ASTN2: variants seen among roughly 807,000 people sequenced by gnomAD.
ASTN2 encodes astrotactin-2.
ASTN2 carries 54 observed loss-of-function variants against 139.8 expected under a neutral mutation model. That is an observed-to-expected ratio of 0.39 (90% confidence interval 0.31 to 0.48). The LOEUF (loss-of-function observed/expected upper bound fraction) is 0.48. Among genes scored for constraint, ASTN2 ranks in the 20% least tolerant of loss-of-function variants. The pLI is 0.95. For synonymous variants in ASTN2, 756 were observed against 719.5 expected, an observed-to-expected ratio of 1.05 and a Z score of -0.81; for missense variants, 1,565 against 1,725.1, an observed-to-expected ratio of 0.91 and a Z score of 1.64.
chr9:116,998,741 T>C (rs773031657), intron 7 of ASTN2, among the ~76,000 whole-genome samples: 10 of 152,146 alleles, frequency 6.6e-5, no homozygotes, highest in Non-Finnish European at 1.3e-4. Context: ...GAAAGTTGGT[T>C]CTCTATAAAC....
chr9:117,353,797 TCTG>T (rs1312110199), intron 1 of ASTN2, among the ~76,000 whole-genome samples: 21 of 152,114 alleles, frequency 1.4e-4, no homozygotes, highest in African/African-American at 4.8e-4. Context: ...AAGAAGCCAA[TCTG>T]AAAAGGCCAC....
At chr9:116,714,216 T>A (rs1828248760) in intron 16 of ASTN2, among the ~76,000 whole-genome samples, 1 of 152,180 alleles carries the variant, frequency 6.6e-6, no homozygotes, top group African/African-American at 2.4e-5. Flanking sequence ...GGCTGTGCTA[T>A]CTGACATTCT....
At chr9:117,180,097 C>G (rs1831020007) in intron 3 of ASTN2, among the ~76,000 whole-genome samples, 1 of 152,208 alleles carries the variant, frequency 6.6e-6, no homozygotes, top group South Asian at 2.1e-4. Flanking sequence ...CTCTGCATCT[C>G]TCTTTTGATT....
intron 1 of ASTN2, among the ~76,000 whole-genome samples, chr9:117,305,269 T>A (rs1834971360): frequency 6.6e-6 from 1 of 152,144 alleles, no homozygotes; most frequent in South Asian, 2.1e-4. Context: ...CTTCCCTAGG[T>A]CATTGGAGGC....
At chr9:116,951,337 CAAAA>C (rs386416039) in intron 10 of ASTN2, among the ~76,000 whole-genome samples, 2 of 34,070 alleles carry the variant, frequency 5.9e-5, no homozygotes, top group South Asian at 2.4e-3. Flanking sequence ...AACTCTGTCT[CAAAA>C]AAAAAAAAAA....
chr9:116,723,697 T>C (rs1828537116), intron 16 of ASTN2, among the ~76,000 whole-genome samples: 2 of 152,130 alleles, frequency 1.3e-5, no homozygotes, highest in Non-Finnish European at 2.9e-5. Flanking sequence ...CTCCCAAATA[T>C]AAAAAATAAA....
intron 1 of ASTN2, among the ~76,000 whole-genome samples, chr9:117,294,994 C>A (rs1448357321): frequency 6.6e-6 from 1 of 152,146 alleles, no homozygotes; most frequent in Non-Finnish European, 1.5e-5. Context: ...TTATTATATC[C>A]CTTTTACAAA....
intron 11 of ASTN2, 102 bp from the exon 12 acceptor site, chr9:116,820,885 A>ACAT: frequency 8.1e-7 from 1 of 1,232,362 alleles, no homozygotes; most frequent in Non-Finnish European, 1.1e-6. Context: ...AGGGCCTGAC[A>ACAT]GAAAGGTATT....
At chr9:117,082,424 T>A (rs115497549) in intron 5 of ASTN2, among the ~76,000 whole-genome samples, 17 of 152,306 alleles carry the variant, frequency 1.1e-4, no homozygotes, top group African/African-American at 4.1e-4. Flanking sequence ...GTGTTCCCAT[T>A]CTACCCCAAT....
chr9:116,688,652 A>T (rs1420293201), intron 16 of ASTN2, among the ~76,000 whole-genome samples: 1 of 152,148 alleles, frequency 6.6e-6, no homozygotes, highest in East Asian at 1.9e-4. Flanking sequence ...CGGCCCACTG[A>T]AAGTGGTAGG....
At chr9:116,552,358 ACT>A (rs1852391761) in intron 19 of ASTN2, among the ~76,000 whole-genome samples, 2 of 152,214 alleles carry the variant, frequency 1.3e-5, no homozygotes, top group Admixed American at 1.3e-4. Context: ...TGTTTTTCAT[ACT>A]CTTTTATTTA....
At position 116,971,922 on chromosome 9, in the gene ASTN2, A is replaced by G. The variant is rs1322473630; in HGVS notation, c.1889+3286T>C. ...CCTGCAGCAAGCAAGTGATGGAGTT[A>G]AGATTTGCACTCAGCCAATTTGCTT... On this transcript the variant is annotated intron_variant, in intron 10 of 22. Transcript: ENST00000313400. Among the ~76,000 whole-genome samples the G allele has an allele frequency of 3.9e-5, 6 of 152,230 alleles. No homozygotes were observed. In the East Asian group the frequency reaches 1.2e-3, roughly 29 times the overall value.
chr9:117,379,966 T>C (rs976601166), intron 1 of ASTN2, among the ~76,000 whole-genome samples: 1 of 152,078 alleles, frequency 6.6e-6, no homozygotes, highest in South Asian at 2.1e-4. Flanking sequence ...ATCTGACAAC[T>C]CTGTAGAAGA....
rs191111290 is a variant in ASTN2 at position 117,314,804 on chromosome 9, A to C, written c.443-23291T>G. Among the ~76,000 whole-genome samples, 777 of 145,692 alleles carry C rather than the reference A, an allele frequency of 5.3e-3. 7 individuals are homozygous for C. The highest frequency in any genetic ancestry group is 0.018 in the African/African-American group (744 of 40,314). ...CAACTATATATAAATTATATAATAT[A>C]CTATATATTTTATATAACTATATAA... On this transcript the variant is annotated intron_variant, in intron 1 of 22. Transcript: ENST00000313400.
chr9:117,030,458 G>T (rs557211851), intron 6 of ASTN2, among the ~76,000 whole-genome samples: 4 of 152,164 alleles, frequency 2.6e-5, no homozygotes, highest in African/African-American at 9.7e-5. Flanking sequence ...AATTTTGGAC[G>T]TCAAACTCAG....
chr9:116,670,205 T>C (rs1859110349), intron 16 of ASTN2, among the ~76,000 whole-genome samples: 1 of 152,232 alleles, frequency 6.6e-6, no homozygotes, highest in Non-Finnish European at 1.5e-5. Context: ...CACTGAGATT[T>C]AAGGGTTTAT....
chr9:117,151,946 C>A (rs1830334748), intron 3 of ASTN2, among the ~76,000 whole-genome samples: 1 of 152,116 alleles, frequency 6.6e-6, no homozygotes, highest in Admixed American at 6.6e-5. Flanking sequence ...TCCCAGATAC[C>A]CTGGGTGCAG....
chr9:117,253,064 ATGTAGATTG>A (rs1833581648), intron 2 of ASTN2, among the ~76,000 whole-genome samples: 1 of 152,136 alleles, frequency 6.6e-6, no homozygotes, highest in African/African-American at 2.4e-5. Context: ...TAAATAGATG[ATGTAGATTG>A]TGTCCATTTT....
chr9:116,928,902 T>C (rs2132447904), intron 10 of ASTN2, among the ~76,000 whole-genome samples: 1 of 152,310 alleles, frequency 6.6e-6, no homozygotes, highest in East Asian at 1.9e-4. Flanking sequence ...TTCTGATCTC[T>C]ATTTTACAAA....
Sources: allele counts gnomAD v4.1 joint callset (sites outside exome capture counted in the v4.1 genomes callset), GRCh38; gene constraint gnomAD v4.1.1; transcripts MANE v1.5; gene names NCBI Gene and HGNC (gene_info 2026-07-23, HGNC 2026-07-21).